Variants in ATRX observed in about 807,000 individuals in gnomAD.
ATRX encodes ATRX chromatin remodeler.
In ATRX, 12 loss-of-function variants were observed where a neutral mutation model predicts 172.6. The observed-to-expected ratio is 0.07, with a 90% CI of 0.04 to 0.11. The LOEUF is 0.11. Among genes scored for constraint, ATRX ranks in the 10% least tolerant of loss-of-function variants. The probability of loss-of-function intolerance (pLI) is 1.00; values close to 1 mark genes in which losing one functional copy is unlikely to be tolerated. For missense variants in ATRX, 1,368 were observed against 1,767.4 expected (o/e 0.77, Z 4.05); for synonymous variants, 674 against 594.7 (o/e 1.13, Z -1.94).
intron 27 of ATRX, among the ~76,000 whole-genome samples, chrX:77,588,216 G>C (rs1299311943): frequency 1.8e-5 from 2 of 111,843 alleles, no homozygotes; most frequent in African/African-American, 6.5e-5. Flanking sequence ...GGGACAAATG[G>C]ATAACCACAG....
chrX:77,684,623 T>A (rs782745464), intron 8 of ATRX, 30 bp from the exon 9 acceptor site: 1 of 1,162,754 alleles, frequency 8.6e-7, no homozygotes, highest in South Asian at 1.8e-5. Flanking sequence ...AAAACATTAT[T>A]CCCTTCTTTC....
At chrX:77,584,891 T>C (rs905360199) in intron 27 of ATRX, among the ~76,000 whole-genome samples, 1 of 110,683 alleles carries the variant, frequency 9.0e-6, no homozygotes, top group Non-Finnish European at 1.9e-5. Context: ...TGGGAGAAAA[T>C]ATATGAAAAC....
At chrX:77,674,891 A>T (rs938720669) in intron 10 of ATRX, 12 of 111,799 alleles carry the variant, frequency 1.1e-4, no homozygotes, top group Middle Eastern at 4.7e-3. Context: ...CACCTATCCC[A>T]TAAAATAAAT....
At chrX:77,599,383 T>C (rs1002850470) in intron 25 of ATRX, 28 bp downstream of exon 25, 2 of 1,204,632 alleles carry the variant, frequency 1.7e-6, no homozygotes, top group Non-Finnish European at 2.2e-6. Context: ...TACTGTTCCA[T>C]GATAAAGGCA....
Position 77,682,940 on chromosome X carries a change from C to G in ATRX, c.2316G>C (p.Gly772=), listed in dbSNP as rs1187990991. 1.2e-5 allele frequency: 15 copies of G among 1,210,215 alleles called. No individual in the cohort carries two copies. Among genetic ancestry groups the G allele is most frequent in the Non-Finnish European group, 1.7e-5 (15 of 894,703 alleles). Residue 772 remains glycine, a synonymous_variant, in exon 9 of 35, where the codon GGG becomes GGC. Transcript: ENST00000373344. The stretch of plus-strand genomic sequence containing the variant: ...GTTTCCTTTTTCCTTTATCATCTTT[C>G]CCCGCCTGAGTCTTTAAATCATACA... The part of the protein sequence containing the change: ...KTLYDLKTQA[G]KDDKGKRKRK...
At chrX:77,603,721 A>C (rs1185739320) in intron 22 of ATRX, among the ~76,000 whole-genome samples, 2 of 110,768 alleles carry the variant, frequency 1.8e-5, no homozygotes, top group African/African-American at 6.6e-5. Context: ...ACATTACTTG[A>C]CTTCATATTA....
At chrX:77,522,774 A>G (rs1334409079) in intron 31 of ATRX, among the ~76,000 whole-genome samples, 1 of 112,172 alleles carries the variant, frequency 8.9e-6, no homozygotes, top group African/African-American at 3.2e-5. Flanking sequence ...TAAAACAGAC[A>G]TAGAATGATC....
At chrX:77,653,016 A>G (rs1018869279) in intron 14 of ATRX, among the ~76,000 whole-genome samples, 2 of 108,374 alleles carry the variant, frequency 1.8e-5, no homozygotes, top group Non-Finnish European at 3.8e-5. Context: ...AAAAAAAAAA[A>G]AAAAAGAAAA....
chrX:77,593,681 T>C lies in ATRX; in HGVS notation c.6110+15A>G, dbSNP rs1309299805. ...AAAAGGTTAATTTATATAATAAATA[T>C]GGTAAAGCACTTACACTTTATCCCC... is the stretch of plus-strand genomic sequence containing the variant. On this transcript the variant is annotated intron_variant, in intron 26 of 34. Coordinates refer to ENST00000373344, the MANE Select transcript of ATRX (RefSeq NM_000489.6). The C allele has an allele frequency of 5.4e-5, 65 of 1,192,738 alleles. No homozygotes were observed. Among genetic ancestry groups the C allele is most frequent in the Non-Finnish European group, 6.7e-5 (59 of 880,264 alleles).
chrX:77,741,432 C>CT (rs200957734), intron 1 of ATRX, among the ~76,000 whole-genome samples: 5 of 103,906 alleles, frequency 4.8e-5, no homozygotes, highest in African/African-American at 1.8e-4. Flanking sequence ...TGATAGTGAC[C>CT]TTTTTTTTGG....
intron 7 of ATRX, among the ~76,000 whole-genome samples, chrX:77,686,598 C>A (rs1192678285): frequency 1.8e-5 from 2 of 110,518 alleles, no homozygotes; most frequent in African/African-American, 6.6e-5. Context: ...CGCCTGTAAT[C>A]CCAGCTATTC....
intron 22 of ATRX, among the ~76,000 whole-genome samples, chrX:77,602,977 T>A (rs1305539257): frequency 9.2e-6 from 1 of 109,040 alleles, no homozygotes; most frequent in African/African-American, 3.3e-5. Flanking sequence ...TTGAAAAAAA[T>A]AAGCCAAGCC....
intron 1 of ATRX, among the ~76,000 whole-genome samples, chrX:77,740,257 G>A (rs2074800875): frequency 9.2e-6 from 1 of 109,104 alleles, no homozygotes; most frequent in African/African-American, 3.3e-5. Context: ...AAACTAGAAA[G>A]ACAGATACAG....
intron 1 of ATRX, among the ~76,000 whole-genome samples, chrX:77,728,894 T>C (rs782547118): frequency 6.4e-4 from 68 of 107,033 alleles, no homozygotes; most frequent in Non-Finnish European, 1.2e-3. Context: ...CCTGAGTACC[T>C]GGGACTACAG....
At chrX:77,599,307 T>C (rs1557085616) in intron 25 of ATRX, 104 bp downstream of exon 25, 10 of 906,095 alleles carry the variant, frequency 1.1e-5, no homozygotes, top group South Asian at 6.4e-5. Flanking sequence ...TGAGGAAAGA[T>C]TCCTTTGAGT....
intron 12 of ATRX, among the ~76,000 whole-genome samples, chrX:77,658,555 T>A (rs1268389426): frequency 2.7e-5 from 3 of 112,517 alleles, no homozygotes; most frequent in Non-Finnish European, 5.6e-5. Context: ...TCAGAGGTCA[T>A]AAAACATTTT....
chrX:77,681,050 T>C (rs1425205932), intron 9 of ATRX, among the ~76,000 whole-genome samples: 1 of 111,254 alleles, frequency 9.0e-6, no homozygotes, highest in Non-Finnish European at 1.9e-5. Context: ...AGGGTTTTAA[T>C]GAGGTAAATT....
At chrX:77,563,097 G>A (rs992512650) in intron 28 of ATRX, among the ~76,000 whole-genome samples, 1 of 112,191 alleles carries the variant, frequency 8.9e-6, no homozygotes, top group Non-Finnish European at 1.9e-5. Context: ...TTTTATTTTT[G>A]ATTAAGTCCA....
intron 22 of ATRX, among the ~76,000 whole-genome samples, chrX:77,608,866 T>C (rs781864682): frequency 1.8e-5 from 2 of 111,729 alleles, no homozygotes; most frequent in African/African-American, 6.5e-5. Flanking sequence ...GACCACAATA[T>C]ATAAGGAGCT....
Sources: gnomAD v4.1 joint callset for allele counts (sites outside exome capture counted in the v4.1 genomes callset) on GRCh38, gnomAD v4.1.1 for gene constraint, MANE v1.5 for transcripts, NCBI Gene and HGNC (gene_info 2026-07-23, HGNC 2026-07-21) for gene names.